Variants in SGIP1 observed in about 807,000 individuals in gnomAD.
SGIP1 encodes the protein SH3GL interacting endocytic adaptor 1, also known as SH3-containing GRB2-like protein 3-interacting protein 1.
In SGIP1, 38 loss-of-function variants were observed where a neutral mutation model predicts 107.5. That is an observed-to-expected ratio of 0.35 (90% CI 0.27 to 0.46). The LOEUF (loss-of-function observed/expected upper bound fraction) is 0.46. Among genes scored for constraint, SGIP1 ranks in the 20% least tolerant of loss-of-function variants. The pLI is 1.00. For missense variants in SGIP1, 929 were observed against 1,019.5 expected, an observed-to-expected ratio of 0.91 and a Z score of 1.21; for synonymous variants, 365 against 366.1, an observed-to-expected ratio of 1.00 and a Z score of 0.03.
chr1:66,607,857 C>A (rs927949871), intron 1 of SGIP1, among the ~76,000 whole-genome samples: 1 of 152,184 alleles, frequency 6.6e-6, no homozygotes, highest in Non-Finnish European at 1.5e-5. Flanking sequence ...TTCTCTATAA[C>A]AACACTAGCA....
intron 1 of SGIP1, among the ~76,000 whole-genome samples, chr1:66,566,070 A>T (rs1385876298): frequency 6.6e-6 from 1 of 152,024 alleles, no homozygotes; most frequent in Non-Finnish European, 1.5e-5. Flanking sequence ...TGAATGAAAG[A>T]TATATTCACT....
At chr1:66,619,809 C>T (rs1188136523) in intron 1 of SGIP1, among the ~76,000 whole-genome samples, 1 of 152,144 alleles carries the variant, frequency 6.6e-6, no homozygotes, top group Admixed American at 6.5e-5. Flanking sequence ...GACTCAGCTC[C>T]AGGAGTGTGA....
chr1:66,637,441 G>A (rs1171861561), intron 4 of SGIP1, among the ~76,000 whole-genome samples: 7 of 56,580 alleles, frequency 1.2e-4, no homozygotes, highest in African/African-American at 3.6e-4. Flanking sequence ...TAATAAAGCC[G>A]TGTGTGTGTG....
intron 19 of SGIP1, among the ~76,000 whole-genome samples, chr1:66,726,221 T>G (rs2093749124): frequency 6.6e-6 from 1 of 152,210 alleles, no homozygotes; most frequent in Non-Finnish European, 1.5e-5. Context: ...CCCTTTCTCC[T>G]GCAATGTCTC....
intron 24 of SGIP1, among the ~76,000 whole-genome samples, chr1:66,742,460 CTTTTTTTTTTTTTTT>C (rs764080079): frequency 1.8e-4 from 8 of 45,104 alleles, no homozygotes; most frequent in African/African-American, 3.9e-4. Context: ...AGCACCCTTT[CTTTTTTTTTTTTTTT>C]TTTTTTTTTT....
At chr1:66,558,251 C>T (rs1482542460) in intron 1 of SGIP1, among the ~76,000 whole-genome samples, 1 of 152,124 alleles carries the variant, frequency 6.6e-6, no homozygotes, top group East Asian at 1.9e-4. Context: ...GGTCTGCAAT[C>T]TGCACATAAG....
chr1:66,715,138 T>C (rs991184183), intron 18 of SGIP1, among the ~76,000 whole-genome samples: 7 of 152,124 alleles, frequency 4.6e-5, no homozygotes, highest in African/African-American at 1.7e-4. Flanking sequence ...CAATACCAGT[T>C]TAAACAAAGA....
At chr1:66,604,821 A>T (rs1477661149) in intron 1 of SGIP1, among the ~76,000 whole-genome samples, 1 of 152,160 alleles carries the variant, frequency 6.6e-6, no homozygotes, top group African/African-American at 2.4e-5. Context: ...AATCATTTTG[A>T]GTTCTTTCCG....
At chr1:66,659,219 A>G (rs2080390574) in intron 7 of SGIP1, among the ~76,000 whole-genome samples, 1 of 152,132 alleles carries the variant, frequency 6.6e-6, no homozygotes, top group East Asian at 1.9e-4. Context: ...GGATTAGGAG[A>G]TGAAGCTGGA....
At chr1:66,581,466 A>C (rs2061813642) in intron 1 of SGIP1, among the ~76,000 whole-genome samples, 2 of 152,040 alleles carry the variant, frequency 1.3e-5, no homozygotes, top group African/African-American at 4.8e-5. Flanking sequence ...CTGTTATTAT[A>C]AAATATAGTT....
chr1:66,610,371 C>G (rs11208921), intron 1 of SGIP1, among the ~76,000 whole-genome samples: 19,747 of 152,142 alleles, frequency 0.13, 1,361 homozygotes, highest in Admixed American at 0.18. Flanking sequence ...GCATACCAAA[C>G]TGAAGTAAAG....
At chr1:66,643,416 T>G (rs1444758498) in intron 6 of SGIP1, 128 bp from the exon 7 acceptor site, 1 of 665,616 alleles carries the variant, frequency 1.5e-6, no homozygotes, top group East Asian at 3.0e-5. Context: ...TCCTTTACTT[T>G]TGTATGTTTT....
At chr1:66,536,084 A>G (rs1294728383) in intron 1 of SGIP1, among the ~76,000 whole-genome samples, 1 of 152,218 alleles carries the variant, frequency 6.6e-6, no homozygotes, top group Non-Finnish European at 1.5e-5. Context: ...CTATTGTGCC[A>G]TCCAAGAATG....
At chr1:66,666,726 T>G (rs2082638201) in intron 8 of SGIP1, 1 of 152,312 alleles carries the variant, frequency 6.6e-6, no homozygotes, top group African/African-American at 2.4e-5. Flanking sequence ...TTTATTCTCT[T>G]TGAAGCAATT....
chr1:66,556,725 A>G (rs2058233429), intron 1 of SGIP1, among the ~76,000 whole-genome samples: 1 of 149,536 alleles, frequency 6.7e-6, no homozygotes, highest in African/African-American at 2.5e-5. Flanking sequence ...ATGAGCGTGG[A>G]GATCAGAAAG....
At chr1:66,539,302 G>A (rs1471084625) in intron 1 of SGIP1, among the ~76,000 whole-genome samples, 1 of 152,174 alleles carries the variant, frequency 6.6e-6, no homozygotes, top group Non-Finnish European at 1.5e-5. Context: ...CAGAGGTATT[G>A]GGTCTCACAG....
chr1:66,622,283 C>T (rs375868520), intron 1 of SGIP1, among the ~76,000 whole-genome samples: 1 of 152,140 alleles, frequency 6.6e-6, no homozygotes, highest in East Asian at 1.9e-4. Flanking sequence ...AAAAATACCA[C>T]CTACTTTTTC....
chr1:66,625,969 T>C, intron 2 of SGIP1, 59 bp downstream of exon 2: 1 of 1,383,802 alleles, frequency 7.2e-7, no homozygotes, highest in Non-Finnish European at 1.0e-6. Context: ...GATGCTCTTA[T>C]CACAGTCAAT....
At position 66,745,713 on chromosome 1, in the gene SGIP1, C is replaced by G. The variant is rs1227668287; in HGVS notation, c.*2618C>G. ...GTTCTAGTTAACCAGAACACCATTT[C>G]CTGAACGTTATGATCTTTAAAAGGT... On this transcript the variant is annotated 3_prime_UTR_variant, in exon 25 of 25. Transcript: ENST00000371037. The G allele has an allele frequency of 6.6e-6, 1 of 151,964 alleles. No homozygotes were observed. Among genetic ancestry groups the G allele is most frequent in the Non-Finnish European group, 1.5e-5 (1 of 67,914 alleles). The allele number at this position is 151,964 out of a possible 1,614,324, so 9.4% of individuals were successfully genotyped here.
Sources: allele counts gnomAD v4.1 joint callset (sites outside exome capture counted in the v4.1 genomes callset), GRCh38; gene constraint gnomAD v4.1.1; transcripts MANE v1.5; gene names NCBI Gene and HGNC (gene_info 2026-07-23, HGNC 2026-07-21).